GOT2: variants seen among roughly 807,000 people sequenced by gnomAD.
GOT2 encodes glutamic-oxaloacetic transaminase 2, also known as aspartate aminotransferase, mitochondrial.
In GOT2, 17 loss-of-function variants were observed where a neutral mutation model predicts 50.0. The observed-to-expected ratio is 0.34, with a 90% CI of 0.23 to 0.51. The LOEUF is 0.51. Among genes scored for constraint, GOT2 ranks in the 20% least tolerant of loss-of-function variants. GOT2 has a pLI of 0.97. For missense variants in GOT2, 430 were observed against 559.6 expected, an observed-to-expected ratio of 0.77 and a Z score of 2.34; for synonymous variants, 172 against 204.9, an observed-to-expected ratio of 0.84 and a Z score of 1.37.
chr16:58,725,593 G>A (rs1250299623), intron 1 of GOT2, among the ~76,000 whole-genome samples: 3 of 152,052 alleles, frequency 2.0e-5, no homozygotes, highest in African/African-American at 7.2e-5. Context: ...TTACATGCTC[G>A]AGAGGCTATA....
chr16:58,727,902 T>C (rs1006234078), intron 1 of GOT2, among the ~76,000 whole-genome samples: 7 of 152,320 alleles, frequency 4.6e-5, no homozygotes, highest in African/African-American at 1.7e-4. Context: ...GCCACATGTT[T>C]CAGTATGGTA....
intron 7 of GOT2, 55 bp from the exon 8 acceptor site, chr16:58,716,234 C>G: frequency 6.6e-7 from 1 of 1,510,756 alleles, no homozygotes; most frequent in Non-Finnish European, 9.1e-7. Context: ...TGTGCTAAAG[C>G]AAATCATGAG....
At chr16:58,716,555 G>C in intron 7 of GOT2, 108 bp downstream of exon 7, 1 of 833,898 alleles carries the variant, frequency 1.2e-6, no homozygotes, top group Non-Finnish European at 1.8e-6. Context: ...CATGGACATG[G>C]ATGGACACAC....
In GOT2 at chr16:58,719,265, A is replaced by G; in HGVS notation, c.376-10T>C. 6.2e-7 allele frequency: 1 copy of G among 1,607,888 alleles called. No homozygotes were observed. Among genetic ancestry groups the G allele is most frequent in the South Asian group, 1.1e-5 (1 of 90,978 alleles). On this transcript the variant is annotated splice_polypyrimidine_tract_variant and intron_variant, in intron 3 of 9. Transcript: ENST00000245206. ...TCTGCACAGTGACAAACTGAAGGAG[A>G]GATACCCACGGTCAGTGATGTGCAA...
At chr16:58,708,379 C>T (rs542739805) in intron 9 of GOT2, 86 bp from the exon 10 acceptor site, 558 of 1,290,978 alleles carry the variant, frequency 4.3e-4, no homozygotes, top group Non-Finnish European at 5.3e-4. Flanking sequence ...AACTTACCAA[C>T]GCTCTATTTC....
intron 1 of GOT2, among the ~76,000 whole-genome samples, chr16:58,731,834 C>T (rs2044837030): frequency 1.3e-5 from 2 of 152,100 alleles, no homozygotes; most frequent in South Asian, 2.1e-4. Context: ...ATAGAAATGT[C>T]GATGAATTCA....
In GOT2 at chr16:58,723,999, G is replaced by C. The variant is rs960340527; in HGVS notation, c.90-97C>G. 3.6e-6 allele frequency: 4 copies of C among 1,118,200 alleles called. No individual in the cohort carries two copies. The African/African-American group carries it at 6.2e-5, about 17-fold the overall frequency. 69.3% of individuals were successfully genotyped at this position (1,118,200 alleles called of 1,614,324 possible). On this transcript the variant is annotated intron_variant, in intron 1 of 9. Transcript: ENST00000245206. The stretch of plus-strand genomic sequence containing the variant: ...GATAGACTCTTGCTCTGTTGCCCAG[G>C]CTGGAGTGCAGTGGTGCTATCTTGG...
At chr16:58,726,015 C>T (rs1462274060) in intron 1 of GOT2, among the ~76,000 whole-genome samples, 3 of 152,134 alleles carry the variant, frequency 2.0e-5, no homozygotes, top group Non-Finnish European at 2.9e-5. Context: ...ATTAGAAAAA[C>T]TGAGCAGCTT....
chr16:58,719,169 CT>C (rs1470717128), intron 4 of GOT2, 26 bp downstream of exon 4: 3 of 1,552,494 alleles, frequency 1.9e-6, no homozygotes, highest in African/African-American at 2.7e-5. Flanking sequence ...ATTTATAATT[CT>C]TTCCTGAAGA....
At chr16:58,730,471 A>G (rs2044826016) in intron 1 of GOT2, among the ~76,000 whole-genome samples, 2 of 151,096 alleles carry the variant, frequency 1.3e-5, no homozygotes, top group African/African-American at 2.4e-5. Context: ...TGCAGCCTCT[A>G]CCTCCCGGGC....
intron 9 of GOT2, among the ~76,000 whole-genome samples, chr16:58,708,580 A>G (rs537420724): frequency 1.3e-5 from 2 of 151,734 alleles, no homozygotes; most frequent in Admixed American, 6.6e-5. Flanking sequence ...GATTGCGCCA[A>G]TGCACTCCAG....
chr16:58,733,695 G>T (rs1262926626), intron 1 of GOT2, among the ~76,000 whole-genome samples: 2 of 152,096 alleles, frequency 1.3e-5, no homozygotes, highest in African/African-American at 4.8e-5. Context: ...CACACACGCG[G>T]CAGCCAGCCG....
Position 58,730,229 on chromosome 16 carries a change from C to T in GOT2, c.89+3911G>A, listed in dbSNP as rs143270350. ...TTTTTTAACTTTTATTTCAGGTTCA[C>T]GGGTACATGTGCATGTCCTGGGGGT... On this transcript the variant is annotated intron_variant, in intron 1 of 9. Coordinates refer to ENST00000245206, the MANE Select transcript of GOT2 (RefSeq NM_002080.4). 1.1e-3 allele frequency among the ~76,000 whole-genome samples: 166 copies of T among 152,164 alleles called. 2 individuals are homozygous for T. The highest frequency in any genetic ancestry group is 3.8e-3 in the African/African-American group (159 of 41,506).
intron 1 of GOT2, among the ~76,000 whole-genome samples, chr16:58,727,617 A>T (rs779241867): frequency 6.6e-6 from 1 of 152,160 alleles, no homozygotes; most frequent in Non-Finnish European, 1.5e-5. Context: ...GGATAGTGAT[A>T]CACACCTACC....
intron 2 of GOT2, among the ~76,000 whole-genome samples, chr16:58,723,401 A>G (rs995032159): frequency 6.6e-6 from 1 of 152,196 alleles, no homozygotes; most frequent in Non-Finnish European, 1.5e-5. Context: ...ATCCACGAAG[A>G]GCTATTCCTC....
In GOT2 at chr16:58,734,295, G is replaced by A. The variant is rs1269215973; in HGVS notation, c.-67C>T. Reference sequence around the variant, plus strand: ...AGAGGGCGAGCGGACACACACACAGGGAACCGGCTCCTGCTGAAGGTAAGG... The same window carrying A: ...AGAGGGCGAGCGGACACACACACAGAGAACCGGCTCCTGCTGAAGGTAAGG... On this transcript the variant is annotated 5_prime_UTR_variant, in exon 1 of 10. Coordinates refer to ENST00000245206, the MANE Select transcript of GOT2 (RefSeq NM_002080.4). 11 of 859,010 alleles carry A rather than the reference G, an allele frequency of 1.3e-5. No individual in the cohort carries two copies. Among genetic ancestry groups the A allele is most frequent in the East Asian group, 3.2e-5 (1 of 30,902 alleles). 53.2% of individuals were successfully genotyped at this position (859,010 alleles called of 1,614,324 possible). A position where few individuals can be genotyped will look rare whatever the true frequency, so the allele number is the denominator to read the frequency against.
In GOT2 at chr16:58,718,513, A is replaced by G. The variant is rs778109108; in HGVS notation, c.597+14T>C. ...AGTTTTATTCACCTCTCTCACCCTGAAAGCCACACTTACTGAAATATCCTC... is the reference window on the plus strand; with the variant it reads ...AGTTTTATTCACCTCTCTCACCCTGGAAGCCACACTTACTGAAATATCCTC... On this transcript the variant is annotated intron_variant, in intron 5 of 9. Coordinates refer to ENST00000245206, the MANE Select transcript of GOT2 (RefSeq NM_002080.4). 15 of 1,562,120 alleles carry G rather than the reference A, an allele frequency of 9.6e-6. No homozygotes were observed. The highest frequency in any genetic ancestry group is 1.3e-5 in the Non-Finnish European group (15 of 1,155,240).
chr16:58,722,294 T>C lies in GOT2; in HGVS notation c.247-16A>G, dbSNP rs1567489060. 1 of 1,611,484 alleles carries C rather than the reference T, an allele frequency of 6.2e-7. No individual in the cohort carries two copies. The highest frequency in any genetic ancestry group is 1.7e-5 in the Admixed American group (1 of 59,970). On this transcript the variant is annotated splice_polypyrimidine_tract_variant and intron_variant, in intron 2 of 9. Coordinates refer to ENST00000245206, the MANE Select transcript of GOT2 (RefSeq NM_002080.4). ...GGGCCTCTGCCTAGACAAGAGAAAATACATCCATTGAATTTCTTCTCCTTA... is the reference window on the plus strand; with the variant it reads ...GGGCCTCTGCCTAGACAAGAGAAAACACATCCATTGAATTTCTTCTCCTTA...
rs375433592 is a variant in GOT2 at position 58,716,139 on chromosome 16, C to T, written c.894G>A (p.Ala298=). The change falls in exon 8 of 10, where the codon GCG becomes GCA. Residue 298 remains alanine (A), a synonymous_variant. Transcript: ENST00000245206. ...GTGACTCTACCCTTTTGGCTTCATCCGCATCTTTGCAGACCATAGTGAAGG... is the reference window on the plus strand; with the variant it reads ...GTGACTCTACCCTTTTGGCTTCATCTGCATCTTTGCAGACCATAGTGAAGG... ...VGAFTMVCKD[A]DEAKRVESQL... 31 of 1,613,692 alleles carry T rather than the reference C, an allele frequency of 1.9e-5. No homozygotes were observed. Among genetic ancestry groups the T allele is most frequent in the Admixed American group, 5.0e-5 (3 of 59,908 alleles).
Sources: gnomAD v4.1 joint callset for allele counts (sites outside exome capture counted in the v4.1 genomes callset) on GRCh38, gnomAD v4.1.1 for gene constraint, MANE v1.5 for transcripts, NCBI Gene and HGNC (gene_info 2026-07-23, HGNC 2026-07-21) for gene names.